The following CFAP77 variants were observed in gnomAD, a reference collection of about 807,000 sequenced individuals.
The protein encoded by CFAP77 is cilia and flagella associated protein 77, also known as cilia- and flagella-associated protein 77.
CFAP77 carries 25 observed loss-of-function variants against 31.1 expected under a neutral mutation model. That is an observed-to-expected ratio of 0.80 (90% CI 0.59 to 1.12). The LOEUF is 1.12. Among genes scored for constraint, CFAP77 ranks in the 50% most tolerant of loss-of-function variants. CFAP77 has a pLI of 0.00. For missense variants in CFAP77, 377 were observed against 397.3 expected, an observed-to-expected ratio of 0.95 and a Z score of 0.44; for synonymous variants, 151 against 159.9, an observed-to-expected ratio of 0.94 and a Z score of 0.42.
chr9:132,428,667 G>A (rs1167150885), intron 1 of CFAP77, among the ~76,000 whole-genome samples: 2 of 152,022 alleles, frequency 1.3e-5, no homozygotes, highest in African/African-American at 4.8e-5. Flanking sequence ...AACACACCTC[G>A]ATTACCCTGG....
chr9:132,569,548 A>G (rs1009614387), intron 5 of CFAP77, among the ~76,000 whole-genome samples: 2 of 152,074 alleles, frequency 1.3e-5, no homozygotes, highest in Non-Finnish European at 2.9e-5. Flanking sequence ...CCTGTGTTCT[A>G]AAAAACAAAT....
chr9:132,560,193 C>T (rs548481198), intron 5 of CFAP77, among the ~76,000 whole-genome samples: 2 of 152,230 alleles, frequency 1.3e-5, no homozygotes, highest in Admixed American at 1.3e-4. Context: ...TAAAAAGAGT[C>T]ACTTTAAAAA....
chr9:132,526,423 G>A (rs1852363034), intron 3 of CFAP77, among the ~76,000 whole-genome samples: 2 of 151,590 alleles, frequency 1.3e-5, no homozygotes. Flanking sequence ...TAGTAGAGAC[G>A]GGGTTTCACC....
At chr9:132,493,862 CTCTTTTCTTTTCTTTCCTTT>C (rs1401738836) in intron 1 of CFAP77, among the ~76,000 whole-genome samples, 9 of 151,144 alleles carry the variant, frequency 6.0e-5, no homozygotes, top group Admixed American at 3.3e-4. Context: ...CTTTTCTTTT[CTCTTTTCTTTTCTTTCCTTT>C]TCTTTTCTTT....
intron 1 of CFAP77, among the ~76,000 whole-genome samples, chr9:132,486,018 A>ATATGTATATGTATGTGTGTGTG (rs1851537154): frequency 2.7e-5 from 1 of 37,562 alleles, no homozygotes; most frequent in African/African-American, 2.8e-4. Flanking sequence ...ATATATATAT[A>ATATGTATATGTATGTGTGTGTG]TATATATATA....
intron 5 of CFAP77, among the ~76,000 whole-genome samples, chr9:132,562,205 G>A (rs536154972): frequency 2.1e-4 from 32 of 152,310 alleles, no homozygotes; most frequent in South Asian, 8.3e-4. Flanking sequence ...TGTGTGGCAC[G>A]AGGAGGCCCT....
chr9:132,481,601 C>T lies in CFAP77; in HGVS notation c.196-17094C>T, dbSNP rs1175741544. On this transcript the variant is annotated intron_variant, in intron 1 of 5. Transcript: ENST00000393216. The surrounding 1 kb of genome is among the most constrained non-coding windows in gnomAD (Gnocchi z 5.0). The stretch of plus-strand genomic sequence containing the variant: ...CATCATCTGCCCTAGGAAATGTCAA[C>T]CCAGAACCAATCATAAAGCAACCCC... Among the ~76,000 whole-genome samples the T allele has an allele frequency of 6.6e-6, 1 of 152,142 alleles. No individual in the cohort carries two copies. The highest frequency in any genetic ancestry group is 1.5e-5 in the Non-Finnish European group (1 of 68,036).
chr9:132,545,031 T>C lies in CFAP77; in HGVS notation c.732+1984T>C, dbSNP rs1852710730. Among the ~76,000 whole-genome samples, 1 of 152,204 alleles carries C rather than the reference T, an allele frequency of 6.6e-6. No individual in the cohort carries two copies. The highest frequency in any genetic ancestry group is 1.5e-5 in the Non-Finnish European group (1 of 68,048). ...GCAAGGAAAGGGCTCCAGGTAACAG[T>C]GCCGCACCTGTGCTGGGAGCTCCGG... On this transcript the variant is annotated intron_variant, in intron 5 of 5. Coordinates refer to ENST00000393216, the MANE Select transcript of CFAP77 (RefSeq NM_001282957.2). This position sits in a 1 kb window ranked among gnomAD's most constrained non-coding sequence, Gnocchi z 4.6.
intron 1 of CFAP77, among the ~76,000 whole-genome samples, chr9:132,434,819 C>G (rs1190758109): frequency 6.6e-6 from 1 of 152,170 alleles, no homozygotes; most frequent in Non-Finnish European, 1.5e-5. Flanking sequence ...ACAAGTAAAT[C>G]CAAATGGGCA....
chr9:132,520,076 C>A (rs1852242481), intron 3 of CFAP77, among the ~76,000 whole-genome samples: 1 of 145,406 alleles, frequency 6.9e-6, no homozygotes, highest in Non-Finnish European at 1.5e-5. Context: ...CTGTACCATT[C>A]CCCCTCCCCC....
At chr9:132,482,383 C>T (rs769170909) in intron 1 of CFAP77, 2 of 1,613,908 alleles carry the variant, frequency 1.2e-6, no homozygotes, top group East Asian at 4.5e-5. Flanking sequence ...GTTATTCCTT[C>T]CCTTGCTGGA....
At chr9:132,470,114 C>T (rs539541559) in intron 1 of CFAP77, among the ~76,000 whole-genome samples, 2 of 152,328 alleles carry the variant, frequency 1.3e-5, no homozygotes, top group Non-Finnish European at 2.9e-5. Flanking sequence ...GCTGGGATTA[C>T]AGGCGTGAGC....
chr9:132,451,770 C>T (rs569147744), intron 1 of CFAP77, among the ~76,000 whole-genome samples: 47 of 152,082 alleles, frequency 3.1e-4, no homozygotes, highest in Non-Finnish European at 2.9e-4. Flanking sequence ...TGCCTCCCAC[C>T]CTGAGTCAAG....
At position 132,490,804 on chromosome 9, in the gene CFAP77, G is replaced by A. The variant is rs895453479; in HGVS notation, c.196-7891G>A. Among the ~76,000 whole-genome samples the A allele has an allele frequency of 4.6e-5, 7 of 152,156 alleles. No individual in the cohort carries two copies. The highest frequency in any genetic ancestry group is 9.7e-5 in the African/African-American group (4 of 41,418). ...TTTAGTCCTGAACAGCAGCTCCTCC[G>A]TCATTTTGTTCAACATTGTTATAAT... On this transcript the variant is annotated intron_variant, in intron 1 of 5. Coordinates refer to ENST00000393216, the MANE Select transcript of CFAP77 (RefSeq NM_001282957.2). The surrounding 1 kb of genome is among the most constrained non-coding windows in gnomAD (Gnocchi z 4.6).
At chr9:132,452,763 C>T (rs988523609) in intron 1 of CFAP77, among the ~76,000 whole-genome samples, 4 of 152,088 alleles carry the variant, frequency 2.6e-5, no homozygotes, top group African/African-American at 9.7e-5. Context: ...TGGGGTGCCT[C>T]ATGCAGCAGG....
At chr9:132,414,204 A>C (rs1402927516) in intron 1 of CFAP77, among the ~76,000 whole-genome samples, 1 of 152,228 alleles carries the variant, frequency 6.6e-6, no homozygotes. Flanking sequence ...ATTTCATTCA[A>C]TGTTCCTTCC....
rs143511453 is a variant in CFAP77, at chr9:132,572,614, G to A, written c.*104G>A. On this transcript the variant is annotated 3_prime_UTR_variant, in exon 6 of 6. Coordinates refer to ENST00000393216, the MANE Select transcript of CFAP77 (RefSeq NM_001282957.2). ...CTGACATTCCCCCATTTTTATGCAG[G>A]TTCTGCTTCAAGGAGCTCAGATTCA... The A allele has an allele frequency of 1.2e-3, 1,484 of 1,207,486 alleles. 14 individuals carry two copies. In the East Asian group the frequency reaches 0.021, roughly 17 times the overall value. 74.8% of individuals were successfully genotyped at this position (1,207,486 alleles called of 1,614,324 possible).
chr9:132,418,487 A>G (rs1483209740), intron 1 of CFAP77, among the ~76,000 whole-genome samples: 1 of 152,200 alleles, frequency 6.6e-6, no homozygotes, highest in Non-Finnish European at 1.5e-5. Flanking sequence ...TCTAGAAATG[A>G]GCCGGTTTGG....
At chr9:132,516,504 G>A (rs1174932217) in intron 3 of CFAP77, among the ~76,000 whole-genome samples, 1 of 152,040 alleles carries the variant, frequency 6.6e-6, no homozygotes, top group Non-Finnish European at 1.5e-5. Context: ...AAGGACAAGA[G>A]GAGAGAGCTT....
Sources: gnomAD v4.1 joint callset for allele counts (sites outside exome capture counted in the v4.1 genomes callset) on GRCh38, gnomAD v4.1.1 for gene constraint, Gnocchi (gnomAD v3.1) non-coding constraint, MANE v1.5 for transcripts, NCBI Gene and HGNC (gene_info 2026-07-23, HGNC 2026-07-21) for gene names.